PLCG2: variants seen among roughly 807,000 people sequenced by gnomAD.
PLCG2 encodes phospholipase C gamma 2.
PLCG2 carries 69 observed loss-of-function variants against 175.6 expected under a neutral mutation model. The ratio of observed to expected loss-of-function variants is 0.39; its 90% confidence interval spans 0.32 to 0.48. The LOEUF is 0.48. Ranked by LOEUF, PLCG2 falls within the 20% of genes least tolerant of loss-of-function variation. The pLI is 0.91. For synonymous variants in PLCG2, 827 were observed against 624.0 expected, an observed-to-expected ratio of 1.33 and a Z score of -4.85; for missense variants, 1,798 against 1,650.9, an observed-to-expected ratio of 1.09 and a Z score of -1.54.
In PLCG2 at chr16:81,846,075, C is replaced by G. The variant is rs571395646; in HGVS notation, c.194-8369C>G. Among the ~76,000 whole-genome samples, 12 of 152,324 alleles carry G rather than the reference C, an allele frequency of 7.9e-5. No homozygotes were observed. In the South Asian group the frequency reaches 2.5e-3, roughly 32 times the overall value. On this transcript the variant is annotated intron_variant, in intron 2 of 32. Coordinates refer to ENST00000564138, the MANE Select transcript of PLCG2 (RefSeq NM_002661.5). ...GTTGTGCCCCACTCAGCTCCCATTA[C>G]CAGGCTTGTGCTCCATTTCCCAGCT... is the stretch of plus-strand genomic sequence containing the variant.
At chr16:81,887,796 A>G (rs973126290) in intron 9 of PLCG2, among the ~76,000 whole-genome samples, 11 of 152,252 alleles carry the variant, frequency 7.2e-5, no homozygotes, top group African/African-American at 1.9e-4. Context: ...GTCATATTTC[A>G]TCCCCTTTTC....
chr16:81,801,267 A>C (rs770298845), intron 2 of PLCG2, among the ~76,000 whole-genome samples: 1 of 152,206 alleles, frequency 6.6e-6, no homozygotes. Context: ...TTAAGTTCTC[A>C]TAAGTACCCT....
At chr16:81,892,173 G>C (rs1908668361) in intron 11 of PLCG2, among the ~76,000 whole-genome samples, 1 of 152,238 alleles carries the variant, frequency 6.6e-6, no homozygotes, top group Non-Finnish European at 1.5e-5. Flanking sequence ...AGTCTGCTAA[G>C]GCTGGAGTGC....
intron 2 of PLCG2, among the ~76,000 whole-genome samples, chr16:81,823,776 G>A (rs1334752997): frequency 1.3e-5 from 2 of 149,920 alleles, no homozygotes; most frequent in African/African-American, 2.5e-5. Context: ...GCAATCCCCT[G>A]ACCTCGGTGT....
At chr16:81,954,049 G>C (rs566204755) in intron 31 of PLCG2, among the ~76,000 whole-genome samples, 2 of 152,132 alleles carry the variant, frequency 1.3e-5, no homozygotes, top group Non-Finnish European at 2.9e-5. Context: ...TTGAGACAGG[G>C]TCTCATTGTC....
Position 81,960,387 on chromosome 16 carries a change from A to T in PLCG2, c.*2389A>T. 1 of 221,882 alleles carries T rather than the reference A, an allele frequency of 4.5e-6. No individual in the cohort carries two copies. Among genetic ancestry groups the T allele is most frequent in the Admixed American group, 5.8e-5 (1 of 17,376 alleles). 13.7% of individuals were successfully genotyped at this position (221,882 alleles called of 1,614,324 possible). A position where few individuals can be genotyped will look rare whatever the true frequency, so the allele number is the denominator to read the frequency against. ...CAGGCACATTCTGAAAGATGGAAGCAGCACTGATAGATCAAAACCACCACT... is the reference window on the plus strand; with the variant it reads ...CAGGCACATTCTGAAAGATGGAAGCTGCACTGATAGATCAAAACCACCACT... On this transcript the variant is annotated 3_prime_UTR_variant, in exon 33 of 33. Coordinates refer to ENST00000564138, the MANE Select transcript of PLCG2 (RefSeq NM_002661.5).
intron 14 of PLCG2, among the ~76,000 whole-genome samples, chr16:81,901,690 G>T (rs1909158431): frequency 6.6e-6 from 1 of 152,208 alleles, no homozygotes; most frequent in Non-Finnish European, 1.5e-5. Flanking sequence ...GTCACCAGCA[G>T]AAGTCATGAG....
At chr16:81,874,139 T>C (rs1907654398) in intron 7 of PLCG2, among the ~76,000 whole-genome samples, 1 of 152,192 alleles carries the variant, frequency 6.6e-6, no homozygotes, top group Non-Finnish European at 1.5e-5. Context: ...TAAAAATTAA[T>C]TGCCTACATT....
At chr16:81,879,414 A>G (rs1597369699) in intron 7 of PLCG2, among the ~76,000 whole-genome samples, 1 of 152,204 alleles carries the variant, frequency 6.6e-6, no homozygotes, top group Non-Finnish European at 1.5e-5. Flanking sequence ...TAAAAAGGCT[A>G]AGTTTGCGGC....
chr16:81,807,458 G>A (rs923370287), intron 2 of PLCG2, among the ~76,000 whole-genome samples: 9 of 152,166 alleles, frequency 5.9e-5, no homozygotes, highest in Admixed American at 1.3e-4. Context: ...AAGGCAGGAA[G>A]CCCATCAAGC....
intron 2 of PLCG2, among the ~76,000 whole-genome samples, chr16:81,773,861 C>T (rs1910335098): frequency 6.6e-6 from 1 of 152,164 alleles, no homozygotes; most frequent in Non-Finnish European, 1.5e-5. Context: ...CTCTGTCTCA[C>T]TCCAAAGCCC....
At chr16:81,762,076 C>T (rs1444481833) in intron 2 of PLCG2, among the ~76,000 whole-genome samples, 3 of 151,878 alleles carry the variant, frequency 2.0e-5, no homozygotes, top group Non-Finnish European at 2.9e-5. Context: ...CTCAGGTGAC[C>T]TGTGTACCTC....
In PLCG2 at chr16:81,854,665, C is replaced by G. The variant is rs1243685217; in HGVS notation, c.337+78C>G. On this transcript the variant is annotated intron_variant, in intron 3 of 32. Transcript: ENST00000564138. Reference sequence around the variant, plus strand: ...GAAGAAGTTCGCTAATAGCAGAATGCTCACCCCTGCCTGCTCACTGATGTG... The same window carrying G: ...GAAGAAGTTCGCTAATAGCAGAATGGTCACCCCTGCCTGCTCACTGATGTG... 5 of 1,309,280 alleles carry G rather than the reference C, an allele frequency of 3.8e-6. No individual in the cohort carries two copies. The African/African-American group carries it at 5.8e-5, about 15-fold the overall frequency. 81.1% of individuals were successfully genotyped at this position (1,309,280 alleles called of 1,614,324 possible).
At chr16:81,911,199 C>A (rs8053021) in intron 18 of PLCG2, among the ~76,000 whole-genome samples, 141,188 of 152,272 alleles carry the variant, frequency 0.93, 65,533 homozygotes, top group East Asian at 0.97. Context: ...GCAAAAATGT[C>A]CATTTCCGAG....
At chr16:81,763,604 T>C (rs1910084361) in intron 2 of PLCG2, among the ~76,000 whole-genome samples, 1 of 152,238 alleles carries the variant, frequency 6.6e-6, no homozygotes, top group African/African-American at 2.4e-5. Flanking sequence ...CTAAGTTGTG[T>C]GCCTCAAGCC....
intron 10 of PLCG2, among the ~76,000 whole-genome samples, chr16:81,890,579 G>T (rs1196250671): frequency 1.3e-5 from 2 of 152,164 alleles, no homozygotes; most frequent in African/African-American, 4.8e-5. Flanking sequence ...TTGAACCATT[G>T]CAAGCACAGA....
intron 2 of PLCG2, among the ~76,000 whole-genome samples, chr16:81,794,061 C>T (rs966310093): frequency 2.6e-5 from 4 of 152,140 alleles, no homozygotes; most frequent in Admixed American, 2.0e-4. Context: ...ACATGAATTC[C>T]TTACGTGTGC....
chr16:81,862,263 T>A (rs1319308753), intron 5 of PLCG2, among the ~76,000 whole-genome samples: 3 of 152,260 alleles, frequency 2.0e-5, no homozygotes, highest in African/African-American at 7.2e-5. Flanking sequence ...TGGACAAGTC[T>A]TAGGTGTTTT....
intron 2 of PLCG2, among the ~76,000 whole-genome samples, chr16:81,829,118 AT>A (rs966608976): frequency 1.6e-4 from 25 of 151,624 alleles, no homozygotes; most frequent in African/African-American, 5.8e-4. Context: ...ATTTTATTTT[AT>A]TTTTTTTGAG....
Sources: allele counts gnomAD v4.1 joint callset (sites outside exome capture counted in the v4.1 genomes callset), GRCh38; gene constraint gnomAD v4.1.1; transcripts MANE v1.5; gene names NCBI Gene and HGNC (gene_info 2026-07-23, HGNC 2026-07-21).